LCORL: variants seen among roughly 807,000 people sequenced by gnomAD.
LCORL encodes the protein ligand-dependent nuclear receptor corepressor-like protein.
LCORL carries 41 observed loss-of-function variants against 141.8 expected under a neutral mutation model. That is an observed-to-expected ratio of 0.29 (90% CI 0.23 to 0.38). The LOEUF (loss-of-function observed/expected upper bound fraction) is 0.38, where lower values mean the gene tolerates loss of function less well. LCORL is among the 10% of genes least tolerant of loss of function. The pLI, the probability that LCORL is intolerant of heterozygous loss-of-function variation, is 1.00. For synonymous variants in LCORL, 618 were observed against 694.1 expected, an observed-to-expected ratio of 0.89 and a Z score of 1.72; for missense variants, 1,759 against 2,035.0, an observed-to-expected ratio of 0.86 and a Z score of 2.61.
intron 4 of LCORL, among the ~76,000 whole-genome samples, chr4:17,916,762 C>T (rs879939800): frequency 3.3e-5 from 5 of 150,932 alleles, no homozygotes; most frequent in Non-Finnish European, 7.4e-5. Context: ...CTCATGTCTC[C>T]ATCTCCCGAG....
chr4:17,997,133 A>G (rs965847373), intron 1 of LCORL, among the ~76,000 whole-genome samples: 1 of 152,176 alleles, frequency 6.6e-6, no homozygotes, highest in Non-Finnish European at 1.5e-5. Flanking sequence ...AGTTTCTTCT[A>G]GTTTTATCAC....
Position 17,949,591 on chromosome 4 carries a change from T to G in LCORL, c.430+12312A>C, listed in dbSNP as rs138360139. On this transcript the variant is annotated intron_variant, in intron 4 of 7. Transcript: ENST00000635767. The stretch of plus-strand genomic sequence containing the variant: ...TCCATTTTCCTTTGCTTTCTTTTAC[T>G]GAGGGAATTCTGCTCAACTGTTATC... Among the ~76,000 whole-genome samples, 214 of 152,298 alleles carry G rather than the reference T, an allele frequency of 1.4e-3. 8 individuals carry two copies. The East Asian group carries it at 0.036, about 26-fold the overall frequency.
intron 1 of LCORL, among the ~76,000 whole-genome samples, chr4:17,974,085 C>T (rs974975175): frequency 1.3e-5 from 2 of 152,030 alleles, no homozygotes; most frequent in African/African-American, 2.4e-5. Flanking sequence ...GAGACTCAGA[C>T]AGATTAAGCC....
chr4:18,016,139 TAA>T (rs1402635629), intron 1 of LCORL, among the ~76,000 whole-genome samples: 1 of 151,554 alleles, frequency 6.6e-6, no homozygotes, highest in Admixed American at 6.6e-5. Flanking sequence ...GCAAAAACGT[TAA>T]GAGTTCAAAG....
At chr4:17,914,724 C>T (rs1210698412) in intron 4 of LCORL, among the ~76,000 whole-genome samples, 2 of 152,186 alleles carry the variant, frequency 1.3e-5, no homozygotes, top group Non-Finnish European at 2.9e-5. Flanking sequence ...TAGTAGTAAA[C>T]ATTTGCCTAG....
chr4:17,931,204 C>A (rs1214290606), intron 4 of LCORL, among the ~76,000 whole-genome samples: 2 of 152,058 alleles, frequency 1.3e-5, no homozygotes, highest in Admixed American at 6.6e-5. Context: ...CCCCTCTCCT[C>A]CTCCCACCTC....
rs528806721 is a variant in LCORL at position 17,904,042 on chromosome 4, C to T, written c.682+5052G>A. On this transcript the variant is annotated intron_variant, in intron 5 of 7. Transcript: ENST00000635767. ...CAAGTATTTACAGTAAAGTAAAACGCTGTTGCAGATAAAAAAAATATAAAA... is the reference window on the plus strand; with the variant it reads ...CAAGTATTTACAGTAAAGTAAAACGTTGTTGCAGATAAAAAAAATATAAAA... 4.0e-3 allele frequency among the ~76,000 whole-genome samples: 606 copies of T among 151,944 alleles called. 7 individuals carry two copies. The highest frequency in any genetic ancestry group is 0.014 in the South Asian group (67 of 4,822).
intron 1 of LCORL, among the ~76,000 whole-genome samples, chr4:17,988,566 A>G (rs576941747): frequency 6.6e-6 from 1 of 152,322 alleles, no homozygotes; most frequent in South Asian, 2.1e-4. Flanking sequence ...AAACATCACT[A>G]TTTTATGATT....
At chr4:17,874,367 C>T in exon 7 of LCORL, 1 of 1,233,832 alleles carries the variant, frequency 8.1e-7, no homozygotes, top group Non-Finnish European at 1.0e-6. Context: ...AATATTTGGT[C>T]CCTAATTTGA....
intron 7 of LCORL, among the ~76,000 whole-genome samples, chr4:17,872,659 C>T (rs771831908): frequency 6.6e-6 from 1 of 152,056 alleles, no homozygotes; most frequent in Non-Finnish European, 1.5e-5. Flanking sequence ...TTGAATTTGG[C>T]ATTACCTTAA....
intron 7 of LCORL, among the ~76,000 whole-genome samples, chr4:17,852,856 A>G (rs1187353439): frequency 1.3e-5 from 2 of 152,134 alleles, no homozygotes; most frequent in African/African-American, 4.8e-5. Context: ...CAAAAGTAAA[A>G]TTGTATCTAG....
intron 4 of LCORL, among the ~76,000 whole-genome samples, chr4:17,957,609 G>T (rs536869920): frequency 6.6e-6 from 1 of 152,036 alleles, no homozygotes; most frequent in African/African-American, 2.4e-5. Flanking sequence ...TCTATGGATG[G>T]ACTTGCAAAT....
intron 1 of LCORL, among the ~76,000 whole-genome samples, chr4:17,973,833 TCTA>T (rs1716435291): frequency 1.3e-5 from 2 of 152,036 alleles, no homozygotes; most frequent in African/African-American, 4.8e-5. Context: ...CATCTTAGAA[TCTA>T]CTGTCATAGT....
At chr4:17,979,085 C>G (rs1717523951) in intron 1 of LCORL, among the ~76,000 whole-genome samples, 1 of 151,880 alleles carries the variant, frequency 6.6e-6, no homozygotes, top group Non-Finnish European at 1.5e-5. Flanking sequence ...GTGTTATGTT[C>G]CCCTTCCTGT....
At chr4:18,019,819 T>C (rs928211973) in intron 1 of LCORL, among the ~76,000 whole-genome samples, 48 of 152,332 alleles carry the variant, frequency 3.2e-4, no homozygotes, top group Non-Finnish European at 6.3e-4. Context: ...TCTACCTAAA[T>C]GAGCTCAGTA....
At chr4:17,993,345 G>A (rs1471391250) in intron 1 of LCORL, among the ~76,000 whole-genome samples, 2 of 152,062 alleles carry the variant, frequency 1.3e-5, no homozygotes, top group Non-Finnish European at 2.9e-5. Flanking sequence ...TGGGATTACA[G>A]GCATGTGCCA....
At chr4:17,916,469 G>A (rs988241682) in intron 4 of LCORL, among the ~76,000 whole-genome samples, 1 of 152,004 alleles carries the variant, frequency 6.6e-6, no homozygotes, top group Non-Finnish European at 1.5e-5. Context: ...TTGTTTAAAA[G>A]TCTGGGACCT....
At chr4:17,877,840 C>T (rs1363748617) in exon 7 of LCORL, 2 of 1,230,592 alleles carry the variant, frequency 1.6e-6, no homozygotes, top group Non-Finnish European at 2.0e-6. Flanking sequence ...CTATTCACTA[C>T]TGGCTTAACG....
chr4:17,958,159 A>C (rs1713053558), intron 4 of LCORL, among the ~76,000 whole-genome samples: 1 of 151,924 alleles, frequency 6.6e-6, no homozygotes, highest in African/African-American at 2.4e-5. Context: ...CTGGCTATCA[A>C]TTAACTTAAG....
Sources: allele counts gnomAD v4.1 joint callset (sites outside exome capture counted in the v4.1 genomes callset), GRCh38; gene constraint gnomAD v4.1.1; transcripts MANE v1.5; gene names NCBI Gene and HGNC (gene_info 2026-07-23, HGNC 2026-07-21).